The following E2F4 variants were observed in gnomAD, a reference collection of about 807,000 sequenced individuals.
E2F4 encodes E2F transcription factor 4, also known as transcription factor E2F4.
A neutral mutation model predicts 44.5 loss-of-function variants in E2F4; 16 were observed. The ratio of observed to expected loss-of-function variants is 0.36; its 90% confidence interval spans 0.24 to 0.55. The LOEUF is 0.55. E2F4 is among the 20% of genes least tolerant of loss of function. The pLI, the probability that E2F4 is intolerant of heterozygous loss-of-function variation, is 0.87. For missense variants in E2F4, 473 were observed against 522.1 expected (o/e 0.91, Z 0.92); for synonymous variants, 242 against 207.2 (o/e 1.17, Z -1.44).
intron 7 of E2F4, 32 bp from the exon 8 acceptor site, chr16:67,197,567 T>C: frequency 6.2e-7 from 1 of 1,613,722 alleles, no homozygotes; most frequent in South Asian, 1.1e-5. Context: ...GCTGGACCTC[T>C]GTGCCCTGAG....
intron 7 of E2F4, among the ~76,000 whole-genome samples, chr16:67,196,905 C>G (rs898690114): frequency 1.3e-5 from 2 of 152,198 alleles, no homozygotes; most frequent in African/African-American, 2.4e-5. Flanking sequence ...CAGATGTCCC[C>G]TCCTATCCTC....
intron 3 of E2F4, 135 bp downstream of exon 3, chr16:67,193,305 G>A (rs1426399282): frequency 1.3e-6 from 2 of 1,496,770 alleles, no homozygotes; most frequent in African/African-American, 2.8e-5. Context: ...CCTCCTCAGA[G>A]CCCCTCCCCT....
Position 67,194,860 on chromosome 16 carries a change from A to C in E2F4, c.688A>C (p.Lys230Gln), listed in dbSNP as rs768458457. ...SAVSTPPPLP[K>Q]PALAQSQEAS... ...TGTTTCTACACCTCCACCTCTGCCC[A>C]AGCCTGCCCTAGCCCAGTCCCAGGA... Residue 230 changes from lysine to glutamine, a missense_variant, in exon 6 of 10, where the codon AAG becomes CAG. Lys to Gln is a moderately conservative substitution (Grantham distance 53). Coordinates refer to ENST00000379378, the MANE Select transcript of E2F4 (RefSeq NM_001950.4). 3.1e-6 allele frequency: 5 copies of C among 1,614,122 alleles called. No individual in the cohort carries two copies. The highest frequency in any genetic ancestry group is 3.3e-5 in the Admixed American group (2 of 60,020).
intron 3 of E2F4, 137 bp from the exon 4 acceptor site, chr16:67,193,335 C>A: frequency 6.7e-7 from 1 of 1,487,916 alleles, no homozygotes. Context: ...AGCCTGTGAT[C>A]CCTCCCCCGG....
chr16:67,195,955 G>C lies in E2F4; in HGVS notation c.982G>C (p.Gly328Arg). ...CAACAGTAACAGCAGCAGTTCGTCC[G>C]GACCCAACCCTTCTACCTCCTTTGA... Reference protein sequence around the residue: ...SSNSNSSSSSGPNPSTSFEPI... With the variant: ...SSNSNSSSSSRPNPSTSFEPI... Residue 328 changes from glycine to arginine, a missense_variant, in exon 7 of 10, where the codon GGA becomes CGA. Coordinates refer to ENST00000379378, the MANE Select transcript of E2F4 (RefSeq NM_001950.4). 6.2e-7 allele frequency: 1 copy of C among 1,613,718 alleles called. No individual in the cohort carries two copies. The highest frequency in any genetic ancestry group is 1.1e-5 in the South Asian group (1 of 91,082).
At chr16:67,197,264 G>A (rs2032983932) in intron 7 of E2F4, among the ~76,000 whole-genome samples, 3 of 152,206 alleles carry the variant, frequency 2.0e-5, no homozygotes, top group Admixed American at 6.5e-5. Flanking sequence ...GTCTTGCACA[G>A]AGCAGGTGCT....
chr16:67,192,488 G>A (rs2032902529), intron 1 of E2F4, 126 bp downstream of exon 1: 2 of 1,296,986 alleles, frequency 1.5e-6, no homozygotes, highest in East Asian at 5.5e-5. Context: ...TTTCTCACAG[G>A]AGAGAAGCCG....
chr16:67,196,778 G>A (rs1257323173), intron 7 of E2F4, among the ~76,000 whole-genome samples: 1 of 152,024 alleles, frequency 6.6e-6, no homozygotes, highest in East Asian at 1.9e-4. Flanking sequence ...CCACCTCTGC[G>A]CACCCAGCCG....
chr16:67,193,150 A>G lies in E2F4; in HGVS notation c.387A>G (p.Thr129=). Residue 129 remains threonine (T), a synonymous_variant, in exon 3 of 10, where the codon ACA becomes ACG. Transcript: ENST00000379378. ...TGCAGCAGAGCATCCGGAACGTCACAGAGGACGTGCAGAACAGCTGATATC... is the reference window on the plus strand; with the variant it reads ...TGCAGCAGAGCATCCGGAACGTCACGGAGGACGTGCAGAACAGCTGATATC... ...VWVQQSIRNV[T]EDVQNSCLAY... The G allele has an allele frequency of 6.4e-7, 1 of 1,572,286 alleles. No individual in the cohort carries two copies. Among genetic ancestry groups the G allele is most frequent in the African/African-American group, 1.4e-5 (1 of 73,826 alleles).
At chr16:67,195,055 T>A (rs2032946155) in intron 6 of E2F4, 75 bp downstream of exon 6, 3 of 1,533,898 alleles carry the variant, frequency 2.0e-6, no homozygotes, top group South Asian at 2.5e-5. Flanking sequence ...ATGCTCAGAG[T>A]TGGAAGAGAC....
chr16:67,194,164 G>A (rs1473059336), intron 4 of E2F4: 8 of 542,048 alleles, frequency 1.5e-5, no homozygotes, highest in African/African-American at 1.1e-4. Flanking sequence ...TGAGGTGCCT[G>A]TGGCCAGTGA....
intron 7 of E2F4, 105 bp from the exon 8 acceptor site, chr16:67,197,494 G>C: frequency 8.6e-7 from 1 of 1,166,766 alleles, no homozygotes; most frequent in South Asian, 1.3e-5. Flanking sequence ...CTCCTTAGCT[G>C]TGTGGAGCCT....
At chr16:67,192,687 T>G (rs1036700377) in intron 1 of E2F4, 74 bp from the exon 2 acceptor site, 4 of 1,413,286 alleles carry the variant, frequency 2.8e-6, no homozygotes, top group Non-Finnish European at 3.9e-6. Context: ...ATTACTCCCT[T>G]CCCAGACCAC....
At chr16:67,196,650 C>G (rs927702574) in intron 7 of E2F4, among the ~76,000 whole-genome samples, 6 of 152,230 alleles carry the variant, frequency 3.9e-5, no homozygotes, top group African/African-American at 1.4e-4. Context: ...TCCGCCTGGC[C>G]TAGATCTTTT....
intron 4 of E2F4, 146 bp downstream of exon 4, chr16:67,193,661 G>A (rs2032923768): frequency 1.2e-6 from 1 of 863,314 alleles, no homozygotes; most frequent in African/African-American, 1.7e-5. Flanking sequence ...TAAGTCTTCT[G>A]TCTGAGTGTC....
In E2F4 at chr16:67,192,862, C is replaced by T; in HGVS notation, c.237C>T (p.Ile79=). 5 of 1,610,782 alleles carry T rather than the reference C, an allele frequency of 3.1e-6. No individual in the cohort carries two copies. The highest frequency in any genetic ancestry group is 4.2e-6 in the Non-Finnish European group (5 of 1,178,260). The stretch of plus-strand genomic sequence containing the variant: ...TCGAGAAAAAGTCCAAGAACAGCAT[C>T]CAGTGGAAGTGAGTGGGCATAGTGG... ...GLIEKKSKNS[I]QWKGVGPGCN... Residue 79 remains isoleucine (I), a synonymous_variant, in exon 2 of 10, where the codon ATC becomes ATT. Transcript: ENST00000379378.
At chr16:67,197,252 C>T (rs1192129566) in intron 7 of E2F4, among the ~76,000 whole-genome samples, 2 of 152,294 alleles carry the variant, frequency 1.3e-5, no homozygotes, top group East Asian at 3.9e-4. Flanking sequence ...GGTCTGGTCT[C>T]AGTCTTGCAC....
chr16:67,197,290 A>C (rs1310736254), intron 7 of E2F4, among the ~76,000 whole-genome samples: 12 of 152,240 alleles, frequency 7.9e-5, no homozygotes, highest in Admixed American at 7.8e-4. Flanking sequence ...AGGGTGGGAC[A>C]GATGGGGTAC....
At chr16:67,193,437 C>A (rs755798896) in intron 3 of E2F4, 35 bp from the exon 4 acceptor site, 3 of 1,613,494 alleles carry the variant, frequency 1.9e-6, no homozygotes, top group Non-Finnish European at 2.5e-6. Context: ...CATCTGTCAC[C>A]ATAGGGCATC....
Sources: allele counts gnomAD v4.1 joint callset (sites outside exome capture counted in the v4.1 genomes callset), GRCh38; gene constraint gnomAD v4.1.1; transcripts MANE v1.5; gene names NCBI Gene and HGNC (gene_info 2026-07-23, HGNC 2026-07-21).